The following NEDD4L variants were observed in gnomAD, a reference collection of about 807,000 sequenced individuals.
The protein encoded by NEDD4L is E3 ubiquitin-protein ligase NEDD4-like.
A neutral mutation model predicts 148.9 loss-of-function variants in NEDD4L; 54 were observed. The ratio of observed to expected loss-of-function variants is 0.36; its 90% CI spans 0.29 to 0.45. The LOEUF is 0.45. Among genes scored for constraint, NEDD4L ranks in the 20% least tolerant of loss-of-function variants. NEDD4L has a pLI of 1.00. For missense variants in NEDD4L, 856 were observed against 1,233.8 expected (o/e 0.69, Z 4.59); for synonymous variants, 433 against 440.7 (o/e 0.98, Z 0.22).
intron 1 of NEDD4L, among the ~76,000 whole-genome samples, chr18:58,068,164 C>T (rs1235540382): frequency 2.0e-5 from 3 of 150,682 alleles, no homozygotes; most frequent in East Asian, 3.9e-4. Context: ...CTATGTTGCC[C>T]AGACTGATCT....
intron 16 of NEDD4L, 131 bp from the exon 17 acceptor site, chr18:58,349,406 G>A: frequency 1.5e-6 from 1 of 683,760 alleles, no homozygotes; most frequent in Non-Finnish European, 2.7e-6. Context: ...AACAGAGATG[G>A]GACCCATCTC....
At chr18:58,212,568 G>T (rs374554489) in intron 2 of NEDD4L, among the ~76,000 whole-genome samples, 1 of 152,150 alleles carries the variant, frequency 6.6e-6, no homozygotes, top group Non-Finnish European at 1.5e-5. Context: ...CCCGTGACAC[G>T]TGGGGATTAT....
intron 5 of NEDD4L, chr18:58,255,395 G>A: frequency 1.5e-6 from 1 of 677,590 alleles, no homozygotes; most frequent in Non-Finnish European, 2.0e-6. Flanking sequence ...GCGCGGTCAT[G>A]TGGTTCTGGC....
intron 2 of NEDD4L, among the ~76,000 whole-genome samples, chr18:58,242,808 C>T (rs982734885): frequency 4.6e-5 from 7 of 152,176 alleles, no homozygotes; most frequent in Non-Finnish European, 8.8e-5. Flanking sequence ...GCCTAACCCT[C>T]TCCTCCCCTC....
intron 1 of NEDD4L, among the ~76,000 whole-genome samples, chr18:58,153,279 A>G (rs1044819948): frequency 3.3e-5 from 5 of 152,106 alleles, no homozygotes; most frequent in African/African-American, 1.2e-4. Context: ...GGAAGGATAC[A>G]AAATGTGAGG....
Position 58,366,087 on chromosome 18 carries a change from C to T in NEDD4L, c.1922C>T (p.Pro641Leu), listed in dbSNP as rs1326570206. The T allele has an allele frequency of 6.2e-7, 1 of 1,613,388 alleles. No homozygotes were observed. Among genetic ancestry groups the T allele is most frequent in the Non-Finnish European group, 8.5e-7 (1 of 1,179,660 alleles). ...CGGAGAATTATGTCCGTGAAAAGAC[C>T]AGATGTCCTAAAAGCTAGACTGTGG... ...SYRRIMSVKR[P>L]DVLKARLWIE... The change falls in exon 21 of 31, where the codon CCA (proline) becomes CTA (leucine). Residue 641 changes from proline to leucine, a missense_variant. Pro to Leu is a moderately conservative substitution (Grantham distance 98). Transcript: ENST00000400345. This position sits in a 1 kb window ranked among gnomAD's most constrained non-coding sequence, Gnocchi z 4.2.
chr18:58,121,233 C>A (rs1313406278), intron 1 of NEDD4L, among the ~76,000 whole-genome samples: 1 of 151,998 alleles, frequency 6.6e-6, no homozygotes, highest in Non-Finnish European at 1.5e-5. Flanking sequence ...TTATTAGGAT[C>A]TTGGATGAGA....
At chr18:58,245,228 C>T (rs1415448766) in intron 2 of NEDD4L, among the ~76,000 whole-genome samples, 199 bp from the exon 3 acceptor site, 1 of 152,130 alleles carries the variant, frequency 6.6e-6, no homozygotes, top group Non-Finnish European at 1.5e-5. Flanking sequence ...TCTAAGTAAA[C>T]ATTATTGGCA....
At position 58,044,516 on chromosome 18, in the gene NEDD4L, C is replaced by T. The variant is rs2081483055; in HGVS notation, c.-145C>T. On this transcript the variant is annotated 5_prime_UTR_variant, in exon 1 of 31. Coordinates refer to ENST00000400345, the MANE Select transcript of NEDD4L (RefSeq NM_001144967.3). ...GCGCGCTCTCGGGCACCCTCACCTG[C>T]CGGCGCCCGGCCGCTTACCCGGCAG... 1 of 1,162,010 alleles carries T rather than the reference C, an allele frequency of 8.6e-7. No individual in the cohort carries two copies. The highest frequency in any genetic ancestry group is 4.3e-5 in the Admixed American group (1 of 23,188). The allele number at this position is 1,162,010 out of a possible 1,614,324, so 72.0% of individuals were successfully genotyped here.
intron 5 of NEDD4L, among the ~76,000 whole-genome samples, chr18:58,277,377 G>T (rs1426055057): frequency 6.6e-6 from 1 of 152,184 alleles, no homozygotes; most frequent in Admixed American, 6.5e-5. Context: ...CTTCCTGGGG[G>T]CAGGAGGGAG....
At chr18:58,290,815 G>A (rs1260605259) in intron 5 of NEDD4L, among the ~76,000 whole-genome samples, 2 of 151,928 alleles carry the variant, frequency 1.3e-5, no homozygotes, top group Non-Finnish European at 2.9e-5. Flanking sequence ...CTTAAAGTTA[G>A]CACCCTATTT....
chr18:58,074,174 A>T (rs1339115752), intron 1 of NEDD4L, among the ~76,000 whole-genome samples: 1 of 152,062 alleles, frequency 6.6e-6, no homozygotes, highest in African/African-American at 2.4e-5. Flanking sequence ...TTAAGTTTCC[A>T]TTGATGGCAG....
intron 24 of NEDD4L, among the ~76,000 whole-genome samples, chr18:58,377,237 C>G (rs1484979797): frequency 1.3e-5 from 2 of 152,222 alleles, no homozygotes; most frequent in African/African-American, 4.8e-5. Context: ...CCTCTCACCT[C>G]TTTGGCCCTC....
At position 58,244,175 on chromosome 18, in the gene NEDD4L, G is replaced by T. The variant is rs114605872; in HGVS notation, c.123-1252G>T. 5.1e-3 allele frequency among the ~76,000 whole-genome samples: 772 copies of T among 152,138 alleles called. 3 individuals carry two copies. Among genetic ancestry groups the T allele is most frequent in the African/African-American group, 0.018 (742 of 41,488 alleles). ...AATATCTTAGACATTGCAAAATAAG[G>T]GTTAATAGTCATAGTATAGCCACTA... On this transcript the variant is annotated intron_variant, in intron 2 of 30. Coordinates refer to ENST00000400345, the MANE Select transcript of NEDD4L (RefSeq NM_001144967.3).
At chr18:58,363,747 AT>A (rs2045783026) in intron 19 of NEDD4L, among the ~76,000 whole-genome samples, 1 of 152,204 alleles carries the variant, frequency 6.6e-6, no homozygotes, top group African/African-American at 2.4e-5. Flanking sequence ...TAAATTGAGG[AT>A]TTTTTGAGAA....
chr18:58,316,060 C>T (rs773308533), intron 6 of NEDD4L, 28 bp downstream of exon 6: 56 of 1,584,264 alleles, frequency 3.5e-5, no homozygotes, highest in Non-Finnish European at 4.2e-5. Flanking sequence ...TTTGATGCTT[C>T]GTGCTGGGGG....
intron 2 of NEDD4L, among the ~76,000 whole-genome samples, chr18:58,220,390 G>C (rs1350018018): frequency 1.4e-5 from 2 of 140,982 alleles, no homozygotes; most frequent in Non-Finnish European, 3.1e-5. Flanking sequence ...GACAGAGTGA[G>C]ACCCTATCTC....
chr18:58,318,132 C>A (rs564983968), intron 6 of NEDD4L, among the ~76,000 whole-genome samples: 1 of 151,930 alleles, frequency 6.6e-6, no homozygotes, highest in African/African-American at 2.4e-5. Context: ...GTGGAGAGGG[C>A]GGGAGCATAT....
chr18:58,132,322 T>A lies in NEDD4L; in HGVS notation c.49-33466T>A, dbSNP rs189063523. ...CCAATGGAGTTTCCTTGGGATTAAT[T>A]AAATGTGGGGCTGCCACACAGGAAT... On this transcript the variant is annotated intron_variant, in intron 1 of 30. Transcript: ENST00000400345. Among the ~76,000 whole-genome samples the A allele has an allele frequency of 2.6e-5, 4 of 152,256 alleles. No homozygotes were observed. The East Asian group carries it at 7.7e-4, about 29-fold the overall frequency.
Sources: gnomAD v4.1 joint callset for allele counts (sites outside exome capture counted in the v4.1 genomes callset) on GRCh38, gnomAD v4.1.1 for gene constraint, Gnocchi (gnomAD v3.1) non-coding constraint, MANE v1.5 for transcripts, NCBI Gene and HGNC (gene_info 2026-07-23, HGNC 2026-07-21) for gene names.